SLC10A7: variants seen among roughly 807,000 people sequenced by gnomAD.
SLC10A7 encodes sodium/bile acid cotransporter 7.
A neutral mutation model predicts 43.2 loss-of-function variants in SLC10A7; 29 were observed. That is an observed-to-expected ratio of 0.67 (90% CI 0.50 to 0.92). The LOEUF (loss-of-function observed/expected upper bound fraction) is 0.92. Ranked by LOEUF, SLC10A7 falls within the 40% of genes least tolerant of loss-of-function variation. The pLI is 0.00. For missense variants in SLC10A7, 295 were observed against 403.2 expected (o/e 0.73, Z 2.30); for synonymous variants, 152 against 144.8 (o/e 1.05, Z -0.35).
chr4:146,389,886 T>C (rs555189448), intron 5 of SLC10A7, among the ~76,000 whole-genome samples: 9 of 152,340 alleles, frequency 5.9e-5, no homozygotes, highest in African/African-American at 1.9e-4. Context: ...CTGGGGCTGT[T>C]GTTAGAATTT....
chr4:146,356,680 T>C (rs545144678), intron 5 of SLC10A7, among the ~76,000 whole-genome samples: 11 of 152,122 alleles, frequency 7.2e-5, no homozygotes, highest in South Asian at 2.1e-4. Context: ...TTTGCTTTTG[T>C]CTATTTACAC....
At chr4:146,275,034 C>T (rs1261474401) in intron 10 of SLC10A7, among the ~76,000 whole-genome samples, 4 of 152,110 alleles carry the variant, frequency 2.6e-5, no homozygotes, top group African/African-American at 9.7e-5. Flanking sequence ...CATCTGAAAC[C>T]TGAGAGGTGA....
rs745707741 is a variant in SLC10A7, at chr4:146,256,486, C to T, written c.*5G>A. The T allele has an allele frequency of 6.2e-7, 1 of 1,614,008 alleles. No homozygotes were observed. Among genetic ancestry groups the T allele is most frequent in the Non-Finnish European group, 8.5e-7 (1 of 1,179,900 alleles). ...TACATTGCTACAGAAAGTCCACCTCCTTTGTTATACTGTCGGCCTTGTCAG... is the reference window on the plus strand; with the variant it reads ...TACATTGCTACAGAAAGTCCACCTCTTTTGTTATACTGTCGGCCTTGTCAG... On this transcript the variant is annotated 3_prime_UTR_variant, in exon 12 of 12. Transcript: ENST00000335472.
chr4:146,289,170 C>A (rs1730234059), intron 9 of SLC10A7, among the ~76,000 whole-genome samples: 1 of 152,210 alleles, frequency 6.6e-6, no homozygotes, highest in African/African-American at 2.4e-5. Flanking sequence ...ACTGAACAAG[C>A]TACCCAGGGT....
At chr4:146,289,808 C>T (rs181541724) in intron 9 of SLC10A7, among the ~76,000 whole-genome samples, 22 of 147,758 alleles carry the variant, frequency 1.5e-4, no homozygotes, top group Admixed American at 2.0e-4. Context: ...CTCCGTCTCC[C>T]GGGTTCAAGC....
intron 6 of SLC10A7, among the ~76,000 whole-genome samples, chr4:146,322,972 GTGA>G (rs1351852388): frequency 2.0e-5 from 3 of 152,202 alleles, no homozygotes; most frequent in African/African-American, 7.2e-5. Context: ...CTGATGGCCA[GTGA>G]TGATGAGCAT....
At position 146,358,290 on chromosome 4, in the gene SLC10A7, C is replaced by T. The variant is rs899026299; in HGVS notation, c.436-32294G>A. On this transcript the variant is annotated intron_variant, in intron 5 of 11. Transcript: ENST00000335472. ...ACTTATAATTCTCCTTTCCCTGCTG[C>T]AGATTATTGATTGTGAGTTGATGTG... is the stretch of plus-strand genomic sequence containing the variant. Among the ~76,000 whole-genome samples the T allele has an allele frequency of 2.6e-5, 4 of 152,108 alleles. No individual in the cohort carries two copies. The East Asian group carries it at 7.7e-4, about 29-fold the overall frequency.
intron 5 of SLC10A7, among the ~76,000 whole-genome samples, chr4:146,354,467 G>A (rs1458173220): frequency 1.3e-5 from 2 of 151,228 alleles, no homozygotes; most frequent in Admixed American, 6.6e-5. Context: ...TATTGCCCAA[G>A]GTAATTTACA....
chr4:146,452,155 G>C (rs1192908027), intron 4 of SLC10A7, among the ~76,000 whole-genome samples: 3 of 152,104 alleles, frequency 2.0e-5, no homozygotes, highest in South Asian at 2.1e-4. Context: ...ATATGAGCTT[G>C]AGTAGGCACA....
intron 4 of SLC10A7, among the ~76,000 whole-genome samples, chr4:146,450,304 T>A (rs1731470915): frequency 6.6e-6 from 1 of 152,156 alleles, no homozygotes; most frequent in African/African-American, 2.4e-5. Flanking sequence ...AGCATTTACA[T>A]CATATGTTAG....
At chr4:146,321,840 G>A (rs568063046) in intron 6 of SLC10A7, among the ~76,000 whole-genome samples, 14 of 152,200 alleles carry the variant, frequency 9.2e-5, no homozygotes, top group East Asian at 3.9e-4. Flanking sequence ...ATGAGGCCTC[G>A]TAACCCAAAT....
intron 4 of SLC10A7, among the ~76,000 whole-genome samples, chr4:146,489,190 A>G (rs187150498): frequency 6.6e-6 from 1 of 152,320 alleles, no homozygotes; most frequent in Admixed American, 6.5e-5. Flanking sequence ...CTTAGGACTC[A>G]TTACTCTGAA....
intron 5 of SLC10A7, among the ~76,000 whole-genome samples, chr4:146,337,242 T>A (rs533548861): frequency 6.6e-6 from 1 of 152,206 alleles, no homozygotes; most frequent in South Asian, 2.1e-4. Flanking sequence ...AATCAAAATT[T>A]ATTTTTTGAA....
intron 5 of SLC10A7, chr4:146,441,987 T>C: frequency 1.0e-6 from 1 of 980,296 alleles, no homozygotes; most frequent in Non-Finnish European, 1.2e-6. Flanking sequence ...CTCAATTATT[T>C]GTAAATCACT....
intron 2 of SLC10A7, 87 bp from the exon 3 acceptor site, chr4:146,510,136 A>C: frequency 7.6e-7 from 1 of 1,320,500 alleles, no homozygotes; most frequent in South Asian, 1.7e-5. Flanking sequence ...CACATGAGTT[A>C]GTTCTTAATT....
At chr4:146,394,766 AT>A (rs1466376613) in intron 5 of SLC10A7, among the ~76,000 whole-genome samples, 1 of 152,176 alleles carries the variant, frequency 6.6e-6, no homozygotes, top group Non-Finnish European at 1.5e-5. Context: ...AAATGAAAAT[AT>A]GGAAGACATT....
chr4:146,451,922 GA>G (rs1475126782), intron 4 of SLC10A7, among the ~76,000 whole-genome samples: 4 of 152,128 alleles, frequency 2.6e-5, no homozygotes, highest in African/African-American at 9.6e-5. Context: ...AAGAGCACTG[GA>G]GAGATAGCCA....
chr4:146,349,387 G>C (rs894920383), intron 5 of SLC10A7, among the ~76,000 whole-genome samples: 3 of 152,174 alleles, frequency 2.0e-5, no homozygotes, highest in African/African-American at 7.2e-5. Flanking sequence ...CAGGGAAAAG[G>C]GAACACTGGT....
intron 4 of SLC10A7, among the ~76,000 whole-genome samples, chr4:146,496,109 G>GT (rs1255065443): frequency 6.6e-6 from 1 of 152,026 alleles, no homozygotes; most frequent in African/African-American, 2.4e-5. Context: ...GGTACATTTT[G>GT]TTTTTTTCTA....
Sources: gnomAD v4.1 joint callset for allele counts (sites outside exome capture counted in the v4.1 genomes callset) on GRCh38, gnomAD v4.1.1 for gene constraint, MANE v1.5 for transcripts, NCBI Gene and HGNC (gene_info 2026-07-23, HGNC 2026-07-21) for gene names.